Variants in CLNK observed in about 807,000 individuals in gnomAD.
CLNK encodes cytokine-dependent hematopoietic cell linker.
CLNK carries 74 observed loss-of-function variants against 68.6 expected under a neutral mutation model. The ratio of observed to expected loss-of-function variants is 1.08; its 90% CI spans 0.89 to 1.31. The LOEUF (loss-of-function observed/expected upper bound fraction) is 1.31. Ranked by LOEUF, CLNK falls within the 50% of genes most tolerant of loss-of-function variation. The pLI is 0.00. For missense variants in CLNK, 553 were observed against 515.3 expected (o/e 1.07, Z -0.71); for synonymous variants, 198 against 172.2 (o/e 1.15, Z -1.17).
At chr4:10,555,742 G>C (rs925581471) in intron 8 of CLNK, among the ~76,000 whole-genome samples, 5 of 152,158 alleles carry the variant, frequency 3.3e-5, no homozygotes, top group African/African-American at 1.2e-4. Flanking sequence ...TTTTGTGAGA[G>C]TGAATAAATT....
At chr4:10,523,832 C>T (rs890540485) in intron 14 of CLNK, 1 of 207,420 alleles carries the variant, frequency 4.8e-6, no homozygotes, top group Non-Finnish European at 1.0e-5. Context: ...CGAGACTAGC[C>T]TGGGCAACAT....
intron 8 of CLNK, among the ~76,000 whole-genome samples, chr4:10,557,331 C>CT (rs993526915): frequency 1.3e-5 from 2 of 152,116 alleles, no homozygotes; most frequent in African/African-American, 4.8e-5. Flanking sequence ...AGGGACTGCC[C>CT]TATCCTCTCA....
intron 8 of CLNK, 130 bp downstream of exon 8, chr4:10,558,277 C>A: frequency 1.4e-6 from 1 of 707,622 alleles, no homozygotes; most frequent in Non-Finnish European, 2.5e-6. Context: ...TAGTTATTTC[C>A]TGAAGTGTAA....
intron 11 of CLNK, among the ~76,000 whole-genome samples, chr4:10,534,052 C>A (rs1398876503): frequency 6.6e-6 from 1 of 152,108 alleles, no homozygotes; most frequent in Non-Finnish European, 1.5e-5. Context: ...TACTAAGATT[C>A]TTTAACCTAT....
chr4:10,529,729 C>T (rs1455088799), intron 12 of CLNK, among the ~76,000 whole-genome samples: 1 of 152,114 alleles, frequency 6.6e-6, no homozygotes, highest in Non-Finnish European at 1.5e-5. Context: ...GCAGTGATTG[C>T]TCTCAGGCTT....
At chr4:10,526,457 A>G (rs1718324288) in intron 13 of CLNK, among the ~76,000 whole-genome samples, 1 of 152,244 alleles carries the variant, frequency 6.6e-6, no homozygotes, top group Non-Finnish European at 1.5e-5. Flanking sequence ...AAGGAAATAA[A>G]GTACTACTTT....
At chr4:10,637,589 T>TG (rs1723142598) in intron 2 of CLNK, among the ~76,000 whole-genome samples, 1 of 87,514 alleles carries the variant, frequency 1.1e-5, no homozygotes, top group East Asian at 3.1e-4. Context: ...TCCTCTTTTT[T>TG]TTTTTTTTTT....
chr4:10,490,732 G>T, intron 18 of CLNK, 119 bp from the exon 19 acceptor site: 1 of 774,802 alleles, frequency 1.3e-6, no homozygotes, highest in Non-Finnish European at 2.0e-6. Context: ...AACAATGTTT[G>T]TATGGTAAAG....
the CLNK span, among the ~76,000 whole-genome samples, chr4:10,704,500 T>C: frequency 6.6e-6 from 1 of 152,138 alleles, no homozygotes; most frequent in East Asian, 1.9e-4. Context: ...CTCCCTACTC[T>C]GAACCCCTGG....
chr4:10,560,341 C>T lies in CLNK; in HGVS notation c.400-1889G>A, dbSNP rs6856457. 5.6e-3 allele frequency among the ~76,000 whole-genome samples: 855 copies of T among 152,340 alleles called. 10 individuals carry two copies. Among genetic ancestry groups the T allele is most frequent in the African/African-American group, 0.02 (822 of 41,580 alleles). ...GGATGGGCAGTGGTTTAGGGCAAGA[C>T]AGTTGTCAAGACCCACCTAAGGGGT... On this transcript the variant is annotated intron_variant, in intron 7 of 18. Coordinates refer to ENST00000226951, the MANE Select transcript of CLNK (RefSeq NM_052964.4).
intron 2 of CLNK, among the ~76,000 whole-genome samples, chr4:10,655,708 G>C (rs1723948784): frequency 7.4e-6 from 1 of 134,904 alleles, no homozygotes; most frequent in African/African-American, 2.9e-5. Context: ...GGAGTGCAGT[G>C]GTGCGATCTC....
chr4:10,666,808 C>T (rs1169781630), intron 2 of CLNK, among the ~76,000 whole-genome samples: 1 of 152,182 alleles, frequency 6.6e-6, no homozygotes, highest in African/African-American at 2.4e-5. Context: ...AGCAGAAGCT[C>T]CAGCCTTCCC....
intron 1 of CLNK, among the ~76,000 whole-genome samples, chr4:10,671,760 T>G (rs1203749026): frequency 6.6e-6 from 1 of 152,176 alleles, no homozygotes; most frequent in African/African-American, 2.4e-5. Context: ...TGTTTTATGA[T>G]CCTCATTTTA....
At chr4:10,498,317 G>A (rs1716896262) in intron 18 of CLNK, among the ~76,000 whole-genome samples, 2 of 151,304 alleles carry the variant, frequency 1.3e-5, no homozygotes, top group Admixed American at 1.3e-4. Flanking sequence ...CTGAAACCCC[G>A]TCTCTACTAA....
the CLNK span, among the ~76,000 whole-genome samples, chr4:10,711,912 T>A: frequency 6.6e-6 from 1 of 152,156 alleles, no homozygotes; most frequent in African/African-American, 2.4e-5. Context: ...CTCTTGGGGA[T>A]TCCAGAGGTT....
the CLNK span, chr4:10,697,080 A>G: frequency 6.6e-6 from 1 of 152,210 alleles, no homozygotes; most frequent in South Asian, 2.1e-4. Flanking sequence ...TGAATAGCAA[A>G]CCCAACTGTC....
At chr4:10,499,974 C>T (rs1051830778) in intron 18 of CLNK, among the ~76,000 whole-genome samples, 1 of 152,146 alleles carries the variant, frequency 6.6e-6, no homozygotes, top group African/African-American at 2.4e-5. Context: ...TTCTGGGCTA[C>T]TGAGGGTTAG....
At chr4:10,492,408 A>C (rs915507484) in intron 18 of CLNK, among the ~76,000 whole-genome samples, 1 of 152,186 alleles carries the variant, frequency 6.6e-6, no homozygotes, top group Non-Finnish European at 1.5e-5. Flanking sequence ...GCAATGTTGC[A>C]AGGCCTCAGG....
intron 2 of CLNK, among the ~76,000 whole-genome samples, chr4:10,662,603 G>A (rs529833769): frequency 6.6e-6 from 1 of 152,242 alleles, no homozygotes; most frequent in South Asian, 2.1e-4. Flanking sequence ...TTAAGTCATA[G>A]CTCAAAACAC....
Sources: allele counts gnomAD v4.1 joint callset (sites outside exome capture counted in the v4.1 genomes callset), GRCh38; gene constraint gnomAD v4.1.1; transcripts MANE v1.5; gene names NCBI Gene and HGNC (gene_info 2026-07-23, HGNC 2026-07-21).